Variants in GPR179 observed in about 807,000 individuals in gnomAD.
GPR179 encodes probable G protein-coupled receptor 179.
In GPR179, 52 loss-of-function variants were observed where a neutral mutation model predicts 70.8. The ratio of observed to expected loss-of-function variants is 0.73; its 90% CI spans 0.59 to 0.93. GPR179 has a LOEUF of 0.93. Ranked by LOEUF, GPR179 falls within the 40% of genes least tolerant of loss-of-function variation. The pLI is 0.00. For synonymous variants in GPR179, 1,123 were observed against 1,169.0 expected, an observed-to-expected ratio of 0.96 and a Z score of 0.80; for missense variants, 2,734 against 2,966.8, an observed-to-expected ratio of 0.92 and a Z score of 1.82.
rs771018141 is a variant in GPR179 at position 38,331,234 on chromosome 17, T to C, written c.2335A>G (p.Arg779Gly). 1.1e-5 allele frequency: 17 copies of C among 1,588,582 alleles called. No individual in the cohort carries two copies. In the East Asian group the frequency reaches 3.6e-4, roughly 34 times the overall value. Residue 779 changes from arginine (R) to glycine (G), a missense_variant, in exon 11 of 11, where the codon AGG becomes GGG. Transcript: ENST00000616987. ...HKSRSTYDQR[R>G]EQDPPLLDSL... is the part of the protein sequence containing the mutation. ...TCAAGAAGAGGCGGGTCCTGCTCCC[T>C]GCGCTGGTCATAGGTGCTGCGGGAC...
Position 38,343,108 on chromosome 17 carries a change from T to C in GPR179, c.682A>G (p.Arg228Gly). Residue 228 changes from arginine (R) to glycine (G), a missense_variant, in exon 1 of 11, where the codon AGG becomes GGG. Transcript: ENST00000616987. This position sits in a 1 kb window ranked among gnomAD's most constrained non-coding sequence, Gnocchi z 4.2. Reference protein sequence around the residue: ...DGYVGDTQQVRLSPPFLECQE... With the variant: ...DGYVGDTQQVGLSPPFLECQE... ...CATTCCAGGAAAGGAGGAGACAGCC[T>C]CACCTGCTGCGTGTCCCCCACATAT... 1 of 1,614,184 alleles carries C rather than the reference T, an allele frequency of 6.2e-7. No individual in the cohort carries two copies. Among genetic ancestry groups the C allele is most frequent in the Non-Finnish European group, 8.5e-7 (1 of 1,180,006 alleles).
chr17:38,333,432 G>A (rs903584059), intron 9 of GPR179, 35 bp from the exon 10 acceptor site: 31 of 1,599,064 alleles, frequency 1.9e-5, no homozygotes, highest in Admixed American at 6.8e-5. Context: ...AAAAAGACTC[G>A]CCCTGGCTCC....
Position 38,343,952 on chromosome 17 carries a change from TTCTC to T in GPR179, c.-167_-164del, listed in dbSNP as rs1378975336. On this transcript the variant is annotated 5_prime_UTR_variant, in exon 1 of 11. Coordinates refer to ENST00000616987, the MANE Select transcript of GPR179 (RefSeq NM_001004334.4). This position sits in a 1 kb window ranked among gnomAD's most constrained non-coding sequence, Gnocchi z 4.2. ...TGGTGCCAGCTCGCCTGCTTTTTTCTTCTCTCTAACGTCACCAGCTGGCTTCTGG... is the reference window on the plus strand; with the variant it reads ...TGGTGCCAGCTCGCCTGCTTTTTTCTTCTAACGTCACCAGCTGGCTTCTGG... 18 of 597,064 alleles carry T rather than the reference TTCTC, an allele frequency of 3.0e-5. No individual in the cohort carries two copies. Among genetic ancestry groups the T allele is most frequent in the Non-Finnish European group, 3.7e-5 (13 of 355,568 alleles). The allele number at this position is 597,064 out of a possible 1,614,324, so 37.0% of individuals were successfully genotyped here. A position where few individuals can be genotyped will look rare whatever the true frequency, so the allele number is the denominator to read the frequency against.
intron 3 of GPR179, among the ~76,000 whole-genome samples, chr17:38,337,430 G>C (rs1407766597): frequency 6.6e-6 from 1 of 152,138 alleles, no homozygotes. Flanking sequence ...CATCATATTT[G>C]CATGTTACAG....
intron 4 of GPR179, 118 bp downstream of exon 4, chr17:38,336,860 A>G: frequency 9.6e-7 from 1 of 1,036,532 alleles, no homozygotes; most frequent in Admixed American, 2.5e-5. Context: ...CTACACAGTG[A>G]GTTAGATTTA....
rs2037390251 is a variant in GPR179 at position 38,334,947 on chromosome 17, C to G, written c.1645+86G>C. On this transcript the variant is annotated intron_variant, in intron 7 of 10. Coordinates refer to ENST00000616987, the MANE Select transcript of GPR179 (RefSeq NM_001004334.4). The surrounding 1 kb of genome is among the most constrained non-coding windows in gnomAD (Gnocchi z 4.7). ...GGAGCCTGGGCTCGGGGTCTGGGGACAAGTCAGGAGAACCAGAACAAGAGG... is the reference window on the plus strand; with the variant it reads ...GGAGCCTGGGCTCGGGGTCTGGGGAGAAGTCAGGAGAACCAGAACAAGAGG... 70 of 1,588,378 alleles carry G rather than the reference C, an allele frequency of 4.4e-5. 2 individuals are homozygous for G. The South Asian group carries it at 6.4e-4, about 15-fold the overall frequency.
chr17:38,335,539 T>TG, intron 6 of GPR179, 52 bp downstream of exon 6: 1 of 1,277,932 alleles, frequency 7.8e-7, no homozygotes, highest in African/African-American at 1.5e-5. Flanking sequence ...ATGAGTGAGC[T>TG]GGGGTGGTCT....
chr17:38,341,802 C>T (rs2037450977), intron 1 of GPR179, among the ~76,000 whole-genome samples: 1 of 152,100 alleles, frequency 6.6e-6, no homozygotes, highest in Non-Finnish European at 1.5e-5. Flanking sequence ...GCAGAAAGAG[C>T]ATTGATTCCA....
chr17:38,327,340 A>G lies in GPR179; in HGVS notation c.6229T>C (p.Trp2077Arg). The change falls in exon 11 of 11, where the codon TGG becomes CGG. Residue 2077 changes from tryptophan (W) to arginine (R), a missense_variant. Physicochemically the swap from Trp to Arg is moderately radical, Grantham distance 101. Transcript: ENST00000616987. The stretch of plus-strand genomic sequence containing the variant: ...AGACCCTTGCCATCTTGACTCTCCC[A>G]GGGACACACAGCCTCCTGCTGCCTG... ...DFRQQEAVCP[W>R]ESQDGKGLSP... The G allele has an allele frequency of 6.2e-7, 1 of 1,614,202 alleles. No individual in the cohort carries two copies. The highest frequency in any genetic ancestry group is 8.5e-7 in the Non-Finnish European group (1 of 1,180,032).
At position 38,328,839 on chromosome 17, in the gene GPR179, T is replaced by G; in HGVS notation, c.4730A>C (p.Asp1577Ala). 1 of 1,612,654 alleles carries G rather than the reference T, an allele frequency of 6.2e-7. No homozygotes were observed. The highest frequency in any genetic ancestry group is 8.5e-7 in the Non-Finnish European group (1 of 1,179,656). ...SRATQVCPQE[D>A]LRPEAQEATP... ...TGCTTCCTGTGCCTCCGGCCTGAGA[T>G]CTTCCTGTGGACACACCTGCGTTGC... Residue 1577 changes from aspartate (D) to alanine (A), a missense_variant, in exon 11 of 11, where the codon GAT becomes GCT. By Grantham distance (126) the Asp-to-Ala change is moderately radical. Transcript: ENST00000616987.
Position 38,334,795 on chromosome 17 carries a change from G to A in GPR179, c.1693C>T (p.Arg565Trp), listed in dbSNP as rs549676992. 148 of 1,613,300 alleles carry A rather than the reference G, an allele frequency of 9.2e-5. 2 individuals carry two copies. The East Asian group carries it at 1.3e-3, about 14-fold the overall frequency. Reference sequence around the variant, plus strand: ...TCATGGAAGGCCGAGAGCACAGCCCGTGTGGCGTAGCAGAGGAAGCTGCCC... The same window carrying A: ...TCATGGAAGGCCGAGAGCACAGCCCATGTGGCGTAGCAGAGGAAGCTGCCC... The part of the protein sequence containing the change: ...CWGSFLCYAT[R>W]AVLSAFHEPR... The change falls in exon 8 of 11, where the codon CGG (arginine) becomes TGG (tryptophan). Residue 565 changes from arginine to tryptophan, a missense_variant. Physicochemically the swap from Arg to Trp is moderately radical, Grantham distance 101. Transcript: ENST00000616987. The surrounding 1 kb of genome is among the most constrained non-coding windows in gnomAD (Gnocchi z 4.7).
In GPR179 at chr17:38,331,388, G is replaced by A. The variant is rs770787474; in HGVS notation, c.2181C>T (p.Pro727=). The A allele has an allele frequency of 1.3e-5, 21 of 1,613,882 alleles. No homozygotes were observed. The highest frequency in any genetic ancestry group is 1.6e-4 in the Middle Eastern group (1 of 6,074). ...GGGAGTGCTGCCTGGCCAGGGCCTCGGGGAATTCCGCCAGGTACCTCATGA... is the reference window on the plus strand; with the variant it reads ...GGGAGTGCTGCCTGGCCAGGGCCTCAGGGAATTCCGCCAGGTACCTCATGA... ...RSFMRYLAEF[P]EALARQHSRD... The change falls in exon 11 of 11, where the codon CCC becomes CCT. Residue 727 remains proline, a synonymous_variant. Coordinates refer to ENST00000616987, the MANE Select transcript of GPR179 (RefSeq NM_001004334.4).
chr17:38,341,768 C>T (rs1341454956), intron 1 of GPR179, among the ~76,000 whole-genome samples: 1 of 152,044 alleles, frequency 6.6e-6, no homozygotes, highest in Non-Finnish European at 1.5e-5. Context: ...AGAAGATGGC[C>T]CTGGGGACTC....
chr17:38,328,417 C>A lies in GPR179; in HGVS notation c.5152G>T (p.Ala1718Ser). Residue 1718 changes from alanine to serine, a missense_variant, in exon 11 of 11, where the codon GCT (alanine) becomes TCT (serine). Coordinates refer to ENST00000616987, the MANE Select transcript of GPR179 (RefSeq NM_001004334.4). ...EVGAGAGEER[A>S]LGAEAIRKSP... ...TTCCTAATGGCCTCAGCTCCCAAAG[C>A]CCTTTCCTCCCCTGCTCCAGCACCC... The A allele has an allele frequency of 6.2e-7, 1 of 1,612,922 alleles. No homozygotes were observed. Among genetic ancestry groups the A allele is most frequent in the East Asian group, 2.2e-5 (1 of 44,786 alleles).
rs780452688 is a variant in GPR179, at chr17:38,331,369, G to A, written c.2200C>T (p.His734Tyr). ...AEFPEALARQ[H>Y]SRDSGSPGHG... ...CCTGGGGATCCTGAGTCCCGGGAGT[G>A]CTGCCTGGCCAGGGCCTCGGGGAAT... The change falls in exon 11 of 11, where the codon CAC (histidine) becomes TAC (tyrosine). Residue 734 changes from histidine (H) to tyrosine (Y), a missense_variant. By Grantham distance (83) the His-to-Tyr change is moderately conservative (BLOSUM62 2). Transcript: ENST00000616987. The A allele has an allele frequency of 1.9e-6, 3 of 1,613,488 alleles. No homozygotes were observed. In the South Asian group the frequency reaches 3.3e-5, roughly 18 times the overall value.
In GPR179 at chr17:38,330,247, C is replaced by CCACACTCTCCTT. The variant is rs1364242914; in HGVS notation, c.3310_3321dup (p.Lys1104_Val1107dup). 2 of 1,589,138 alleles carry CCACACTCTCCTT rather than the reference C, an allele frequency of 1.3e-6. No homozygotes were observed. The highest frequency in any genetic ancestry group is 2.7e-5 in the African/African-American group (2 of 74,260). The stretch of plus-strand genomic sequence containing the variant: ...CTGTTCTGCCCCTCGGGACTCTCCT[C>CCACACTCTCCTT]CACACTCTCCTTCTCTCTGTAGGTG... On this transcript the variant is annotated inframe_insertion, in exon 11 of 11. Coordinates refer to ENST00000616987, the MANE Select transcript of GPR179 (RefSeq NM_001004334.4).
Position 38,333,262 on chromosome 17 carries a change from C to T in GPR179, c.2026G>A (p.Gly676Arg). 1 of 1,613,872 alleles carries T rather than the reference C, an allele frequency of 6.2e-7. No homozygotes were observed. Among genetic ancestry groups the T allele is most frequent in the Non-Finnish European group, 8.5e-7 (1 of 1,179,854 alleles). Residue 676 changes from glycine (G) to arginine (R), a missense_variant, in exon 10 of 11, where the codon GGA becomes AGA. Gly to Arg is a moderately radical substitution (Grantham distance 125, BLOSUM62 -2). Coordinates refer to ENST00000616987, the MANE Select transcript of GPR179 (RefSeq NM_001004334.4). ...AGGGTGGCACATACCCGAATGTCTC[C>T]AGGGTCCAGGCTGTGCTCACTCCAG... ...SAWSEHSLDP[G>R]DIRDELKKLY...
intron 4 of GPR179, 95 bp downstream of exon 4, chr17:38,336,883 G>A: frequency 7.7e-7 from 1 of 1,290,494 alleles, no homozygotes; most frequent in Non-Finnish European, 1.1e-6. Flanking sequence ...ATCAAGATTA[G>A]AACCAATTTC....
chr17:38,334,739 A>G lies in GPR179; in HGVS notation c.1749T>C (p.Asn583=), dbSNP rs1160632807. 19 of 1,597,776 alleles carry G rather than the reference A, an allele frequency of 1.2e-5. No homozygotes were observed. The highest frequency in any genetic ancestry group is 1.6e-5 in the Non-Finnish European group (19 of 1,165,398). The part of the protein sequence containing the change: ...EPRYMGIALH[N]ELLLSAAFHT... ...GGAAGGCAGCGGAAAGCAGTAGCTC[A>G]TTGTGCAGGGCGATGCCCATGTAGC... Residue 583 remains asparagine, a synonymous_variant, in exon 8 of 11, where the codon AAT becomes AAC. Coordinates refer to ENST00000616987, the MANE Select transcript of GPR179 (RefSeq NM_001004334.4). This position sits in a 1 kb window ranked among gnomAD's most constrained non-coding sequence, Gnocchi z 4.7.
Sources: allele counts gnomAD v4.1 joint callset (sites outside exome capture counted in the v4.1 genomes callset), GRCh38; gene constraint gnomAD v4.1.1; non-coding constraint Gnocchi (gnomAD v3.1); transcripts MANE v1.5; gene names NCBI Gene and HGNC (gene_info 2026-07-23, HGNC 2026-07-21).